Variants in SEMA5A observed in about 807,000 individuals in gnomAD.
SEMA5A encodes the protein semaphorin-5A.
SEMA5A carries 55 observed loss-of-function variants against 135.5 expected under a neutral mutation model. The observed-to-expected ratio is 0.41, with a 90% CI of 0.33 to 0.51. The LOEUF (loss-of-function observed/expected upper bound fraction) is 0.51. Among genes scored for constraint, SEMA5A ranks in the 20% least tolerant of loss-of-function variants. The pLI is 0.37. For missense variants in SEMA5A, 1,290 were observed against 1,419.9 expected, an observed-to-expected ratio of 0.91 and a Z score of 1.47; for synonymous variants, 580 against 546.5, an observed-to-expected ratio of 1.06 and a Z score of -0.85.
intron 5 of SEMA5A, chr5:9,265,613 A>C: frequency 2.2e-6 from 1 of 452,736 alleles, no homozygotes; most frequent in Non-Finnish European, 4.4e-6. Flanking sequence ...ATGTTCAGCT[A>C]TCCCCATAAC....
At position 9,162,456 on chromosome 5, in the gene SEMA5A, ATG is replaced by A. The variant is rs200628086; in HGVS notation, c.1274-7763_1274-7762del. Among the ~76,000 whole-genome samples, 2 of 121,166 alleles carry A rather than the reference ATG, an allele frequency of 1.7e-5. 1 individual carries two copies. The highest frequency in any genetic ancestry group is 5.4e-5 in the African/African-American group (2 of 36,802). 79.5% of individuals were successfully genotyped at this position (121,166 alleles called of 152,430 possible). On this transcript the variant is annotated intron_variant, in intron 11 of 22. Transcript: ENST00000382496. The stretch of plus-strand genomic sequence containing the variant: ...TATATATATGTGTATGTGTATATAT[ATG>A]TGTGTGTATATATATGTGTGTGTGT...
chr5:9,162,585 T>TATATAC lies in SEMA5A; in HGVS notation c.1274-7891_1274-7890insGTATAT, dbSNP rs370982773. Among the ~76,000 whole-genome samples the TATATAC allele has an allele frequency of 4.4e-3, 493 of 112,006 alleles. 1 individual carries two copies. The highest frequency in any genetic ancestry group is 9.5e-3 in the South Asian group (31 of 3,270). 73.5% of individuals were successfully genotyped at this position (112,006 alleles called of 152,430 possible). A position where few individuals can be genotyped will look rare whatever the true frequency, so the allele number is the denominator to read the frequency against. ...GTGTGTATATATATATATATATATA[T>TATATAC]ACACACACACACACAAACCATCTTT... is the stretch of plus-strand genomic sequence containing the variant. On this transcript the variant is annotated intron_variant, in intron 11 of 22. Transcript: ENST00000382496.
At chr5:9,434,424 C>G (rs1442671087) in intron 2 of SEMA5A, among the ~76,000 whole-genome samples, 1 of 152,018 alleles carries the variant, frequency 6.6e-6, no homozygotes, top group Non-Finnish European at 1.5e-5. Context: ...CATTAATGCA[C>G]TTTAAAAATT....
At chr5:9,492,837 A>G (rs1735091273) in intron 1 of SEMA5A, among the ~76,000 whole-genome samples, 1 of 152,136 alleles carries the variant, frequency 6.6e-6, no homozygotes, top group South Asian at 2.1e-4. Context: ...GACAGTAAAA[A>G]GATTGGTGGT....
At chr5:9,458,214 T>C (rs1758920929) in intron 1 of SEMA5A, among the ~76,000 whole-genome samples, 1 of 152,132 alleles carries the variant, frequency 6.6e-6, no homozygotes, top group South Asian at 2.1e-4. Flanking sequence ...GCCCAGCATC[T>C]CTCCTTTTAT....
At chr5:9,311,711 T>C (rs1752144896) in intron 5 of SEMA5A, among the ~76,000 whole-genome samples, 1 of 151,886 alleles carries the variant, frequency 6.6e-6, no homozygotes, top group Non-Finnish European at 1.5e-5. Context: ...ACCTGCACAT[T>C]GTGCCCATGT....
At chr5:9,250,304 C>A (rs1579710583) in intron 5 of SEMA5A, among the ~76,000 whole-genome samples, 1 of 152,160 alleles carries the variant, frequency 6.6e-6, no homozygotes, top group East Asian at 1.9e-4. Flanking sequence ...TAGCACAAGT[C>A]TGCCTAATCT....
At chr5:9,507,678 A>G (rs389537) in intron 1 of SEMA5A, among the ~76,000 whole-genome samples, 148,894 of 152,198 alleles carry the variant, frequency 0.98, 73,089 homozygotes, top group Non-Finnish European at 1. Flanking sequence ...CCCTAGAGGC[A>G]CCCACCGTGG....
At position 9,452,142 on chromosome 5, in the gene SEMA5A, C is replaced by T. The variant is rs1278498668; in HGVS notation, c.-174-14290G>A. On this transcript the variant is annotated intron_variant, in intron 1 of 22. Coordinates refer to ENST00000382496, the MANE Select transcript of SEMA5A (RefSeq NM_003966.3). ...ATTGGCCCTGCCCTGTCTCCTAATG[C>T]TGAGGACAGACCATTAAAGGAAGGA... Among the ~76,000 whole-genome samples, 7 of 152,286 alleles carry T rather than the reference C, an allele frequency of 4.6e-5. No homozygotes were observed. The East Asian group carries it at 1.4e-3, about 29-fold the overall frequency.
At chr5:9,281,021 C>T (rs191635546) in intron 5 of SEMA5A, among the ~76,000 whole-genome samples, 2 of 152,202 alleles carry the variant, frequency 1.3e-5, no homozygotes, top group Non-Finnish European at 2.9e-5. Flanking sequence ...CATAATAACC[C>T]TATGAGTTAC....
chr5:9,119,210 C>T (rs929715529), intron 14 of SEMA5A, 69 bp from the exon 15 acceptor site: 4 of 1,556,798 alleles, frequency 2.6e-6, no homozygotes, highest in South Asian at 2.3e-5. Context: ...TCTGCACCCA[C>T]GGCCAAATGC....
chr5:9,519,631 T>C, intron 1 of SEMA5A, among the ~76,000 whole-genome samples: 1 of 152,216 alleles, frequency 6.6e-6, no homozygotes, highest in Non-Finnish European at 1.5e-5. Flanking sequence ...ATTCCTTAGA[T>C]ATGTTTCCCA....
At chr5:9,504,212 CAAAAAAAAAAAGA>C (rs1262571565) in intron 1 of SEMA5A, among the ~76,000 whole-genome samples, 1 of 118,008 alleles carries the variant, frequency 8.5e-6, no homozygotes, top group Non-Finnish European at 1.6e-5. Context: ...GACTCCGTCT[CAAAAAAAAAAAGA>C]AAAAAAAAAA....
intron 8 of SEMA5A, among the ~76,000 whole-genome samples, chr5:9,202,716 G>A (rs779840852): frequency 2.6e-5 from 4 of 152,078 alleles, no homozygotes; most frequent in African/African-American, 4.8e-5. Context: ...CTGTGACTTC[G>A]ACATAATGTA....
Position 9,202,116 on chromosome 5 carries a change from A to T in SEMA5A, c.771T>A (p.Asp257Glu). 6.2e-7 allele frequency: 1 copy of T among 1,614,184 alleles called. No homozygotes were observed. The highest frequency in any genetic ancestry group is 8.5e-7 in the Non-Finnish European group (1 of 1,180,034). Residue 257 changes from aspartate (D) to glutamate (E), a missense_variant, in exon 9 of 23, where the codon GAT (aspartate) becomes GAA (glutamate). This residue lies in a region of SEMA5A where 145 missense variants were observed against 212.0 expected (regional missense o/e 0.68). Coordinates refer to ENST00000382496, the MANE Select transcript of SEMA5A (RefSeq NM_003966.3). ...CTTCCAGCAGGAAGCGCCCACCAAT[A>T]TCGTTCTTGCACACCCGGGCAGCTC... is the stretch of plus-strand genomic sequence containing the variant. ...FSRAARVCKN[D>E]IGGRFLLEDT... is the part of the protein sequence containing the mutation.
At chr5:9,312,737 GA>G (rs1294368734) in intron 5 of SEMA5A, among the ~76,000 whole-genome samples, 2 of 152,112 alleles carry the variant, frequency 1.3e-5, no homozygotes, top group Non-Finnish European at 2.9e-5. Flanking sequence ...AAAAAGACAA[GA>G]TTTTTTTTGG....
chr5:9,107,255 T>TA (rs1430493298), intron 16 of SEMA5A, among the ~76,000 whole-genome samples: 5 of 152,068 alleles, frequency 3.3e-5, no homozygotes, highest in African/African-American at 7.2e-5. Context: ...CTGTTACTCT[T>TA]ACAGAAGAAG....
At chr5:9,344,191 T>C (rs73050547) in intron 3 of SEMA5A, among the ~76,000 whole-genome samples, 1,574 of 152,344 alleles carry the variant, frequency 0.01, 27 homozygotes, top group African/African-American at 0.036. Flanking sequence ...ATTAACTATT[T>C]TTATGTTTAT....
intron 5 of SEMA5A, among the ~76,000 whole-genome samples, chr5:9,267,226 G>A (rs1579749382): frequency 6.6e-6 from 1 of 151,944 alleles, no homozygotes; most frequent in Admixed American, 6.6e-5. Flanking sequence ...CAGCTGAGAA[G>A]CCCGCCACAC....
Sources: gnomAD v4.1 joint callset for allele counts (sites outside exome capture counted in the v4.1 genomes callset) on GRCh38, gnomAD v4.1.1 for gene constraint, gnomAD v4.1.1 regional missense constraint, MANE v1.5 for transcripts, NCBI Gene and HGNC (gene_info 2026-07-23, HGNC 2026-07-21) for gene names.